NBPF20: variants seen among roughly 807,000 people sequenced by gnomAD.
The protein encoded by NBPF20 is NBPF family member NBPF20.
In NBPF20, 90 loss-of-function variants were observed where a neutral mutation model predicts 68.1. That is an observed-to-expected ratio of 1.32 (90% confidence interval 1.11 to 1.58). The LOEUF (loss-of-function observed/expected upper bound fraction) is 1.58. Among genes scored for constraint, NBPF20 ranks in the 40% most tolerant of loss-of-function variants. The pLI is 0.00. For missense variants in NBPF20, 816 were observed against 601.2 expected, an observed-to-expected ratio of 1.36 and a Z score of -3.74; for synonymous variants, 290 against 228.1, an observed-to-expected ratio of 1.27 and a Z score of -2.45.
chr1:145,409,430 G>T (rs1309248721), upstream of NBPF20, among the ~76,000 whole-genome samples: 3 of 149,474 alleles, frequency 2.0e-5, no homozygotes, highest in African/African-American at 7.4e-5. Flanking sequence ...AATATTAAGA[G>T]GAAAAAAAAA....
At chr1:145,394,533 T>G (rs1227462652) in intron 8 of NBPF20, among the ~76,000 whole-genome samples, 1 of 152,054 alleles carries the variant, frequency 6.6e-6, no homozygotes, top group African/African-American at 2.4e-5. Context: ...GGGTCACATC[T>G]TTCACTGAGA....
At chr1:145,290,524 C>T (rs1165491498) in exon 138 of NBPF20, 4 of 150,440 alleles carry the variant, frequency 2.7e-5, no homozygotes, top group South Asian at 2.1e-4. Flanking sequence ...CTGACCTGTC[C>T]TCTATAAACA....
Position 145,292,363 on chromosome 1 carries a change from A to G in NBPF20, c.16697+18T>C, listed in dbSNP as rs782228662. On this transcript the variant is annotated intron_variant, in intron 137 of 137. Transcript: ENST00000369373. ...GGTGTTAACACAGAATTAAGCATCC[A>G]CAATTGCTGAAAGTCACCTGGGGCA... The G allele has an allele frequency of 4.7e-5, 31 of 666,480 alleles. No homozygotes were observed. The highest frequency in any genetic ancestry group is 8.2e-5 in the Non-Finnish European group (31 of 377,894). The allele number at this position is 666,480 out of a possible 1,614,324, so 41.3% of individuals were successfully genotyped here.
At chr1:145,422,669 AT>A in the NBPF20 span, among the ~76,000 whole-genome samples, 1 of 152,172 alleles carries the variant, frequency 6.6e-6, no homozygotes, top group South Asian at 2.1e-4. Flanking sequence ...ATGGTGCTGG[AT>A]CAAGCAGACA....
At chr1:145,396,656 GGC>G (rs1662256687) in intron 7 of NBPF20, among the ~76,000 whole-genome samples, 1 of 151,192 alleles carries the variant, frequency 6.6e-6, no homozygotes, top group Admixed American at 6.6e-5. Context: ...CAGATCTCTT[GGC>G]ACAAACCCTA....
At chr1:145,394,985 G>A (rs1662153538) in exon 8 of NBPF20, 4 of 1,611,994 alleles carry the variant, frequency 2.5e-6, no homozygotes, top group South Asian at 1.1e-5. Flanking sequence ...CACTGCCTAT[G>A]TCAACAGCCA....
chr1:145,295,133 A>G lies in NBPF20; in HGVS notation c.16191-179T>C. On this transcript the variant is annotated intron_variant, in intron 133 of 137. Transcript: ENST00000369373. The stretch of plus-strand genomic sequence containing the variant: ...GACCAGGGCCAGGTAGAAAAGAATG[A>G]AAGAGAAAGACAGGGAGAGGGAGGG... 4 of 641,226 alleles carry G rather than the reference A, an allele frequency of 6.2e-6. No homozygotes were observed. The South Asian group carries it at 7.1e-5, about 11-fold the overall frequency. The allele number at this position is 641,226 out of a possible 1,614,324, so 39.7% of individuals were successfully genotyped here. A position where few individuals can be genotyped will look rare whatever the true frequency, so the allele number is the denominator to read the frequency against.
In NBPF20 at chr1:145,342,735, A is replaced by T. The variant is rs1213960886; in HGVS notation, c.8814-176T>A. On this transcript the variant is annotated intron_variant, in intron 73 of 137. Coordinates refer to ENST00000369373, the Ensembl canonical transcript of NBPF20. Reference sequence around the variant, plus strand: ...GACAGAACAGGGCCAAATGGAAAAGAATGAAAGAGAAAGACAGATAGACAC... The same window carrying T: ...GACAGAACAGGGCCAAATGGAAAAGTATGAAAGAGAAAGACAGATAGACAC... Among the ~76,000 whole-genome samples the T allele has an allele frequency of 2.8e-5, 3 of 106,218 alleles. 1 individual carries two copies. The highest frequency in any genetic ancestry group is 1.2e-4 in the African/African-American group (3 of 24,420). 69.7% of individuals were successfully genotyped at this position (106,218 alleles called of 152,430 possible).
intron 8 of NBPF20, 56 bp downstream of exon 13, chr1:145,394,922 G>T (rs1662149649): frequency 1.2e-6 from 2 of 1,601,576 alleles, no homozygotes; most frequent in African/African-American, 1.3e-5. Context: ...CAAAGATTAT[G>T]GGGTCTACCT....
intron 8 of NBPF20, among the ~76,000 whole-genome samples, chr1:145,394,315 GAC>G (rs1662107067): frequency 1.3e-5 from 2 of 151,658 alleles, no homozygotes; most frequent in Non-Finnish European, 1.5e-5. Flanking sequence ...TGAGATTGTG[GAC>G]ACAGAGATTT....
At chr1:145,425,538 G>A in the NBPF20 span, among the ~76,000 whole-genome samples, 42 of 152,344 alleles carry the variant, frequency 2.8e-4, no homozygotes, top group African/African-American at 7.9e-4. Context: ...TATCGCCGCT[G>A]TCTCAACCGC....
chr1:145,421,917 A>C, the NBPF20 span, among the ~76,000 whole-genome samples: 3 of 152,100 alleles, frequency 2.0e-5, no homozygotes, highest in African/African-American at 7.2e-5. Context: ...GCATGCCTGT[A>C]GACCCAGCTA....
intron 6 of NBPF20, among the ~76,000 whole-genome samples, chr1:145,399,953 T>G (rs1313168241): frequency 2.8e-4 from 43 of 152,074 alleles, no homozygotes; most frequent in South Asian, 6.2e-4. Context: ...GCAAGCTGAC[T>G]TAAAGGAGAT....
chr1:145,402,376 T>C (rs1409803698), exon 4 of NBPF20: 21 of 1,604,386 alleles, frequency 1.3e-5, no homozygotes, highest in Admixed American at 1.7e-5. Context: ...CAGGACTTTA[T>C]ATTGCCTAAG....
intron 136 of NBPF20, 89 bp from the exon 142 acceptor site, chr1:145,292,578 C>A: frequency 1.3e-6 from 1 of 742,804 alleles, no homozygotes; most frequent in Non-Finnish European, 2.4e-6. Flanking sequence ...ACAGGGACCT[C>A]AGGCTCCCCA....
At chr1:145,292,000 G>T (rs191358806) in intron 137 of NBPF20, among the ~76,000 whole-genome samples, 5 of 150,022 alleles carry the variant, frequency 3.3e-5, no homozygotes, top group Admixed American at 3.3e-4. Flanking sequence ...GAGAGAGAAA[G>T]TGACCTAGTG....
At chr1:145,291,435 C>T in exon 138 of NBPF20, 7 of 1,610,600 alleles carry the variant, frequency 4.3e-6, no homozygotes, top group East Asian at 4.5e-5. Context: ...TATGTCTGGG[C>T]TTCCAAATGG....
chr1:145,292,628 G>T (rs1326633540), intron 136 of NBPF20, 139 bp from the exon 142 acceptor site: 35 of 739,874 alleles, frequency 4.7e-5, no homozygotes, highest in Non-Finnish European at 7.3e-5. Context: ...ATTTCAGGAG[G>T]CCTGAAGGCT....
chr1:145,410,831 T>C, the NBPF20 span, among the ~76,000 whole-genome samples: 26 of 140,530 alleles, frequency 1.9e-4, no homozygotes, highest in Middle Eastern at 3.4e-3. Context: ...TATATATATA[T>C]ATATATTCCC....
Sources: gnomAD v4.1 joint callset for allele counts (sites outside exome capture counted in the v4.1 genomes callset) on GRCh38, gnomAD v4.1.1 for gene constraint, MANE v1.5 for transcripts, NCBI Gene and HGNC (gene_info 2026-07-23, HGNC 2026-07-21) for gene names.